Variants in RGP1 observed in about 807,000 individuals in gnomAD.
RGP1 encodes the protein RGP1 partner of RAB6A GEF complex.
A neutral mutation model predicts 44.5 loss-of-function variants in RGP1; 28 were observed. The observed-to-expected ratio is 0.63, with a 90% CI of 0.47 to 0.86. The LOEUF is 0.86. Among genes scored for constraint, RGP1 ranks in the 40% least tolerant of loss-of-function variants. The pLI is 0.00. For synonymous variants in RGP1, 212 were observed against 196.7 expected, an observed-to-expected ratio of 1.08 and a Z score of -0.65; for missense variants, 417 against 490.7, an observed-to-expected ratio of 0.85 and a Z score of 1.42.
In RGP1 at chr9:35,749,636, G is replaced by C. The variant is rs1293677799; in HGVS notation, c.-19-101G>C. 2 of 716,458 alleles carry C rather than the reference G, an allele frequency of 2.8e-6. No individual in the cohort carries two copies. The highest frequency in any genetic ancestry group is 5.0e-6 in the Non-Finnish European group (2 of 400,956). The allele number at this position is 716,458 out of a possible 1,614,324, so 44.4% of individuals were successfully genotyped here. A position where few individuals can be genotyped will look rare whatever the true frequency, so the allele number is the denominator to read the frequency against. ...ATCCAGGAGCTCCCTCGGGCACCAC[G>C]GTGCTGACCACCCCTGTCCTCAGCC... On this transcript the variant is annotated intron_variant, in intron 1 of 8. Coordinates refer to ENST00000378078, the MANE Select transcript of RGP1 (RefSeq NM_001080496.3). This position sits in a 1 kb window ranked among gnomAD's most constrained non-coding sequence, Gnocchi z 4.4.
the RGP1 span, among the ~76,000 whole-genome samples, chr9:35,784,900 CT>C: frequency 3.9e-5 from 6 of 152,178 alleles, no homozygotes; most frequent in Non-Finnish European, 7.3e-5. Context: ...CACACCACCC[CT>C]CTCAGCTGAA....
rs776883977 is a variant in RGP1 at position 35,753,111 on chromosome 9, G to GGGGAGCAGGAGCCCC, written c.*238_*252dup. On this transcript the variant is annotated 3_prime_UTR_variant, in exon 9 of 9. Coordinates refer to ENST00000378078, the MANE Select transcript of RGP1 (RefSeq NM_001080496.3). The surrounding 1 kb of genome is among the most constrained non-coding windows in gnomAD (Gnocchi z 4.2). ...ATGATCAGTTGAGTTTAGCTGGAGT[G>GGGGAGCAGGAGCCCC]GGGAGCAGGAGCCCCAGGAACAGGG... is the stretch of plus-strand genomic sequence containing the variant. 6.2e-7 allele frequency: 1 copy of GGGGAGCAGGAGCCCC among 1,613,908 alleles called. No individual in the cohort carries two copies. The highest frequency in any genetic ancestry group is 1.7e-4 in the Middle Eastern group (1 of 6,056).
At position 35,756,026 on chromosome 9, in the gene RGP1, A is replaced by G. The variant is rs1827353823; in HGVS notation, c.*3152A>G. On this transcript the variant is annotated 3_prime_UTR_variant, in exon 9 of 9. Coordinates refer to ENST00000378078, the MANE Select transcript of RGP1 (RefSeq NM_001080496.3). ...AACTTTAAGTCTCCTGCTTTTTCTC[A>G]CTTGGATTTGGATCCATTTCTTCCT... is the stretch of plus-strand genomic sequence containing the variant. 6.6e-6 allele frequency: 1 copy of G among 152,058 alleles called. No individual in the cohort carries two copies. Among genetic ancestry groups the G allele is most frequent in the African/African-American group, 2.4e-5 (1 of 41,368 alleles). The allele number at this position is 152,058 out of a possible 1,614,324, so 9.4% of individuals were successfully genotyped here. A position where few individuals can be genotyped will look rare whatever the true frequency, so the allele number is the denominator to read the frequency against.
rs763606470 is a variant in RGP1, at chr9:35,752,812, A to C, written c.1114A>C (p.Thr372Pro). 3 of 1,613,686 alleles carry C rather than the reference A, an allele frequency of 1.9e-6. No individual in the cohort carries two copies. The highest frequency in any genetic ancestry group is 1.7e-6 in the Non-Finnish European group (2 of 1,179,842). ...GGACCTGCCCATCAAGGTGCTGCCT[A>C]CTAGCCCCACCCTGGCCTCATATGC... The part of the protein sequence containing the change: ...SWDLPIKVLP[T>P]SPTLASYAAP... Residue 372 changes from threonine to proline, a missense_variant, in exon 9 of 9, where the codon ACT (threonine) becomes CCT (proline). Physicochemically the swap from Thr to Pro is conservative, Grantham distance 38 (BLOSUM62 -1). Transcript: ENST00000378078.
In RGP1 at chr9:35,753,991, C is replaced by T; in HGVS notation, c.*1117C>T. The T allele has an allele frequency of 1.2e-6, 2 of 1,610,978 alleles. No homozygotes were observed. The highest frequency in any genetic ancestry group is 1.7e-6 in the Non-Finnish European group (2 of 1,177,900). On this transcript the variant is annotated 3_prime_UTR_variant, in exon 9 of 9. Coordinates refer to ENST00000378078, the MANE Select transcript of RGP1 (RefSeq NM_001080496.3). This position sits in a 1 kb window ranked among gnomAD's most constrained non-coding sequence, Gnocchi z 4.2. ...GCTCCTCCATTCCTAACGCTTCACC[C>T]CACTTTACCTTGAGCTTGGAAGTAG...
chr9:35,772,203 T>A, the RGP1 span: 1 of 152,226 alleles, frequency 6.6e-6, no homozygotes, highest in East Asian at 1.9e-4. Flanking sequence ...TGGTTATGGA[T>A]TAACTCACCA....
Position 35,753,317 on chromosome 9 carries a change from T to G in RGP1, c.*443T>G, listed in dbSNP as rs1313674287. 1 of 1,597,990 alleles carries G rather than the reference T, an allele frequency of 6.3e-7. No homozygotes were observed. The highest frequency in any genetic ancestry group is 8.5e-7 in the Non-Finnish European group (1 of 1,172,592). On this transcript the variant is annotated 3_prime_UTR_variant, in exon 9 of 9. Coordinates refer to ENST00000378078, the MANE Select transcript of RGP1 (RefSeq NM_001080496.3). The surrounding 1 kb of genome is among the most constrained non-coding windows in gnomAD (Gnocchi z 4.2). ...AGGATAGGGGAAGGAGTCAGCACAGTGAAAGGCTGCCTTTATCCCTGCCCA... is the reference window on the plus strand; with the variant it reads ...AGGATAGGGGAAGGAGTCAGCACAGGGAAAGGCTGCCTTTATCCCTGCCCA...
the RGP1 span, among the ~76,000 whole-genome samples, chr9:35,778,749 G>A: frequency 6.6e-6 from 1 of 152,088 alleles, no homozygotes; most frequent in Non-Finnish European, 1.5e-5. Flanking sequence ...TAAGCCCAAG[G>A]CTTGTTAATC....
At position 35,753,462 on chromosome 9, in the gene RGP1, C is replaced by G; in HGVS notation, c.*588C>G. On this transcript the variant is annotated 3_prime_UTR_variant, in exon 9 of 9. Coordinates refer to ENST00000378078, the MANE Select transcript of RGP1 (RefSeq NM_001080496.3). This position sits in a 1 kb window ranked among gnomAD's most constrained non-coding sequence, Gnocchi z 4.2. ...TTTTGTTTTATAACAGGAGTATTTT[C>G]TCTCCAGGTCCACCCCAACCTCCCC... 1.3e-6 allele frequency: 1 copy of G among 780,734 alleles called. No homozygotes were observed. Among genetic ancestry groups the G allele is most frequent in the Non-Finnish European group, 2.0e-6 (1 of 492,598 alleles). 48.4% of individuals were successfully genotyped at this position (780,734 alleles called of 1,614,324 possible).
At chr9:35,751,918 G>A (rs766583609) in intron 7 of RGP1, 38 bp from the exon 8 acceptor site, 1 of 1,558,058 alleles carries the variant, frequency 6.4e-7, no homozygotes, top group African/African-American at 1.4e-5. Flanking sequence ...CCTACAGACA[G>A]CACTTCCTGT....
At chr9:35,765,772 A>T in the RGP1 span, among the ~76,000 whole-genome samples, 5 of 151,580 alleles carry the variant, frequency 3.3e-5, no homozygotes, top group Admixed American at 3.3e-4. Flanking sequence ...CCAGCATTAT[A>T]TGAGAGTTCC....
chr9:35,762,027 C>T (rs1284602838), downstream of RGP1, among the ~76,000 whole-genome samples: 4 of 152,106 alleles, frequency 2.6e-5, no homozygotes, highest in African/African-American at 7.2e-5. Context: ...CATGTTGGCA[C>T]ATGCCTGTCA....
chr9:35,754,065 C>G lies in RGP1; in HGVS notation c.*1191C>G. 1 of 1,613,886 alleles carries G rather than the reference C, an allele frequency of 6.2e-7. No homozygotes were observed. Among genetic ancestry groups the G allele is most frequent in the Non-Finnish European group, 8.5e-7 (1 of 1,179,868 alleles). On this transcript the variant is annotated 3_prime_UTR_variant, in exon 9 of 9. Coordinates refer to ENST00000378078, the MANE Select transcript of RGP1 (RefSeq NM_001080496.3). ...CTGGAGGAGTAGAGACATCACCAAG[C>G]AGATGATCCCCCAGCCTCCTAGGAT...
downstream of RGP1, among the ~76,000 whole-genome samples, chr9:35,759,708 G>T (rs1182353548): frequency 6.6e-6 from 1 of 151,648 alleles, no homozygotes; most frequent in Non-Finnish European, 1.5e-5. Context: ...TATCTTGGGG[G>T]TGATTAGGAG....
In RGP1 at chr9:35,753,328, C is replaced by T. The variant is rs1390049081; in HGVS notation, c.*454C>T. 1 of 1,580,882 alleles carries T rather than the reference C, an allele frequency of 6.3e-7. No homozygotes were observed. Among genetic ancestry groups the T allele is most frequent in the Middle Eastern group, 1.7e-4 (1 of 5,908 alleles). On this transcript the variant is annotated 3_prime_UTR_variant, in exon 9 of 9. Transcript: ENST00000378078. This position sits in a 1 kb window ranked among gnomAD's most constrained non-coding sequence, Gnocchi z 4.2. The stretch of plus-strand genomic sequence containing the variant: ...AGGAGTCAGCACAGTGAAAGGCTGC[C>T]TTTATCCCTGCCCACATGTTCCCTC...
chr9:35,753,369 C>A lies in RGP1; in HGVS notation c.*495C>A. On this transcript the variant is annotated 3_prime_UTR_variant, in exon 9 of 9. Coordinates refer to ENST00000378078, the MANE Select transcript of RGP1 (RefSeq NM_001080496.3). This position sits in a 1 kb window ranked among gnomAD's most constrained non-coding sequence, Gnocchi z 4.2. ...ATGTTCCCTCTCTCACAGTTTTCCC[C>A]CCACAGAGCCCCTTTCAGTGGCCCC... 1 of 1,422,218 alleles carries A rather than the reference C, an allele frequency of 7.0e-7. No individual in the cohort carries two copies. The highest frequency in any genetic ancestry group is 9.5e-7 in the Non-Finnish European group (1 of 1,048,828). 88.1% of individuals were successfully genotyped at this position (1,422,218 alleles called of 1,614,324 possible).
the RGP1 span, among the ~76,000 whole-genome samples, chr9:35,765,865 C>T: frequency 2.1e-5 from 3 of 144,638 alleles, no homozygotes; most frequent in Non-Finnish European, 3.0e-5. Flanking sequence ...GACAGAGTTT[C>T]GCTCTGTTGC....
At chr9:35,766,024 G>A in the RGP1 span, among the ~76,000 whole-genome samples, 4 of 150,788 alleles carry the variant, frequency 2.7e-5, no homozygotes, top group East Asian at 5.9e-4. Flanking sequence ...TAGTAGAGAC[G>A]GGGTTTCACC....
chr9:35,763,468 CAG>C (rs904005983), downstream of RGP1, among the ~76,000 whole-genome samples: 2 of 152,118 alleles, frequency 1.3e-5, no homozygotes, highest in Admixed American at 1.3e-4. Flanking sequence ...ACAAAAGAAA[CAG>C]AAAATCACAG....
Sources: allele counts gnomAD v4.1 joint callset (sites outside exome capture counted in the v4.1 genomes callset), GRCh38; gene constraint gnomAD v4.1.1; non-coding constraint Gnocchi (gnomAD v3.1); transcripts MANE v1.5; gene names NCBI Gene and HGNC (gene_info 2026-07-23, HGNC 2026-07-21).